TM4SF18: variants seen among roughly 807,000 people sequenced by gnomAD.
TM4SF18 encodes transmembrane 4 L6 family member 18.
Under a neutral mutation model 23.8 loss-of-function variants are expected in TM4SF18, and 22 were observed. The ratio of observed to expected loss-of-function variants is 0.92; its 90% CI spans 0.66 to 1.32. TM4SF18 has a LOEUF of 1.32. Ranked by LOEUF, TM4SF18 falls within the 40% of genes most tolerant of loss-of-function variation. The probability of loss-of-function intolerance (pLI) is 0.00; values close to 1 mark genes in which losing one functional copy is unlikely to be tolerated. For synonymous variants in TM4SF18, 87 were observed against 87.9 expected (o/e 0.99, Z 0.06); for missense variants, 255 against 240.3 (o/e 1.06, Z -0.41).
intron 2 of TM4SF18, among the ~76,000 whole-genome samples, chr3:149,332,967 A>T (rs892385735): frequency 2.6e-5 from 4 of 152,164 alleles, no homozygotes; most frequent in African/African-American, 9.7e-5. Context: ...TGTCCCACAG[A>T]CTTTCATTAG....
At chr3:149,323,944 G>A (rs1345925500) in intron 4 of TM4SF18, among the ~76,000 whole-genome samples, 1 of 152,176 alleles carries the variant, frequency 6.6e-6, no homozygotes, top group East Asian at 1.9e-4. Context: ...AAAATCTTCA[G>A]AATGAAGGCA....
intron 2 of TM4SF18, 71 bp downstream of exon 2, chr3:149,333,134 CT>C (rs1370125102): frequency 3.7e-6 from 5 of 1,369,420 alleles, no homozygotes; most frequent in Non-Finnish European, 5.0e-6. Context: ...TTATTCATTA[CT>C]TCTACTAGTT....
chr3:149,330,917 C>T (rs1378825273), intron 2 of TM4SF18, among the ~76,000 whole-genome samples: 1 of 152,154 alleles, frequency 6.6e-6, no homozygotes, highest in East Asian at 1.9e-4. Context: ...ACTTCAATTT[C>T]CCCATGCATT....
At chr3:149,330,956 A>G (rs1016886928) in intron 2 of TM4SF18, among the ~76,000 whole-genome samples, 30 of 152,190 alleles carry the variant, frequency 2.0e-4, no homozygotes, top group African/African-American at 7.0e-4. Flanking sequence ...AATTGTTTCA[A>G]TGTGTTTTGT....
chr3:149,321,435 A>T lies in TM4SF18; in HGVS notation c.*43T>A, dbSNP rs369461771. ...TCTACACAGTTGATATAATATTTAG[A>T]TAGATGGCCATGTCTTGATAATGGA... is the stretch of plus-strand genomic sequence containing the variant. On this transcript the variant is annotated 3_prime_UTR_variant, in exon 6 of 6. Transcript: ENST00000296059. 6.9e-7 allele frequency: 1 copy of T among 1,442,432 alleles called. No homozygotes were observed. Among genetic ancestry groups the T allele is most frequent in the Non-Finnish European group, 9.6e-7 (1 of 1,046,948 alleles). 89.4% of individuals were successfully genotyped at this position (1,442,432 alleles called of 1,614,324 possible). A position where few individuals can be genotyped will look rare whatever the true frequency, so the allele number is the denominator to read the frequency against.
At chr3:149,327,852 C>A (rs749356369) in intron 3 of TM4SF18, among the ~76,000 whole-genome samples, 3 of 152,130 alleles carry the variant, frequency 2.0e-5, no homozygotes, top group Non-Finnish European at 4.4e-5. Context: ...CATGCACACG[C>A]ACACACTACA....
chr3:149,322,223 G>A (rs777447382), intron 5 of TM4SF18, 33 bp downstream of exon 5: 1 of 1,556,628 alleles, frequency 6.4e-7, no homozygotes, highest in Non-Finnish European at 8.7e-7. Flanking sequence ...GGGAAATATG[G>A]ATGAGCTACA....
At chr3:149,327,770 A>C (rs1267060560) in intron 3 of TM4SF18, among the ~76,000 whole-genome samples, 2 of 152,196 alleles carry the variant, frequency 1.3e-5, no homozygotes, top group Non-Finnish European at 2.9e-5. Flanking sequence ...GAAAACTGGA[A>C]AAAATATTCA....
rs1730905151 is a variant in TM4SF18 at position 149,324,974 on chromosome 3, A to C, written c.316T>G (p.Tyr106Asp). ...FSSLGIAFSG[Y>D]CLVISALGLV... Reference sequence around the variant, plus strand: ...CCCAAGGCAGAGATGACCAGGCAGTATCCAGAAAAAGCAATTCCGAGGGAA... The same window carrying C: ...CCCAAGGCAGAGATGACCAGGCAGTCTCCAGAAAAAGCAATTCCGAGGGAA... Residue 106 changes from tyrosine to aspartate, a missense_variant, in exon 4 of 6, where the codon TAC becomes GAC. Coordinates refer to ENST00000296059, the MANE Select transcript of TM4SF18 (RefSeq NM_138786.4). 6.2e-7 allele frequency: 1 copy of C among 1,614,110 alleles called. No homozygotes were observed. Among genetic ancestry groups the C allele is most frequent in the Non-Finnish European group, 8.5e-7 (1 of 1,180,034 alleles).
rs527864679 is a variant in TM4SF18 at position 149,319,979 on chromosome 3, TGCGGTGTATAACATG to T, written c.*1484_*1498del. Reference sequence around the variant, plus strand: ...AGCTGGGCCCAGAGCATGAAGGTCATGCGGTGTATAACATGGCTTGCTTTCAAGATGCTTGTTTCA... The same window carrying T: ...AGCTGGGCCCAGAGCATGAAGGTCATGCTTGCTTTCAAGATGCTTGTTTCA... On this transcript the variant is annotated 3_prime_UTR_variant, in exon 6 of 6. Coordinates refer to ENST00000296059, the MANE Select transcript of TM4SF18 (RefSeq NM_138786.4). The T allele has an allele frequency of 5.2e-5, 8 of 152,430 alleles. No homozygotes were observed. The East Asian group carries it at 1.3e-3, about 26-fold the overall frequency. The allele number at this position is 152,430 out of a possible 1,614,324, so 9.4% of individuals were successfully genotyped here.
intron 4 of TM4SF18, among the ~76,000 whole-genome samples, chr3:149,323,733 G>C (rs910557737): frequency 6.6e-6 from 1 of 152,158 alleles, no homozygotes; most frequent in Non-Finnish European, 1.5e-5. Context: ...TATGAAATCA[G>C]TGCACATTGA....
intron 1 of TM4SF18, 31 bp downstream of exon 1, chr3:149,333,482 C>CTCTCTT (rs4048749): frequency 3.8e-5 from 9 of 237,632 alleles, no homozygotes; most frequent in Admixed American, 1.1e-4. Flanking sequence ...CTCTCTCTCT[C>CTCTCTT]TTTTTTTTTT....
At chr3:149,322,557 A>C (rs1730833490) in intron 4 of TM4SF18, 121 bp from the exon 5 acceptor site, 2 of 827,800 alleles carry the variant, frequency 2.4e-6, no homozygotes, top group Non-Finnish European at 3.7e-6. Context: ...GAATTAATAC[A>C]TTTTAAAAAC....
intron 3 of TM4SF18, 127 bp downstream of exon 3, chr3:149,330,203 C>T: frequency 2.2e-6 from 1 of 444,930 alleles, no homozygotes; most frequent in Non-Finnish European, 4.0e-6. Flanking sequence ...TGGCAGTAAA[C>T]TCTTGATCTC....
At chr3:149,324,338 C>T (rs757451847) in intron 4 of TM4SF18, among the ~76,000 whole-genome samples, 2 of 152,214 alleles carry the variant, frequency 1.3e-5, no homozygotes, top group African/African-American at 4.8e-5. Context: ...ATTCCACAAA[C>T]TCCTGCACCT....
At chr3:149,333,484 T>TTTTTTA in intron 1 of TM4SF18, 29 bp downstream of exon 1, 1 of 126,700 alleles carries the variant, frequency 7.9e-6, no homozygotes. Flanking sequence ...CTCTCTCTCT[T>TTTTTTA]TTTTTTTTTT....
At chr3:149,333,458 G>A in intron 1 of TM4SF18, 55 bp downstream of exon 1, 1 of 733,460 alleles carries the variant, frequency 1.4e-6, no homozygotes, top group Non-Finnish European at 1.9e-6. Context: ...CTTCCTACCT[G>A]ACCTTTTTTT....
chr3:149,333,470 C>CTT, intron 1 of TM4SF18, 43 bp downstream of exon 1: 1 of 490,134 alleles, frequency 2.0e-6, no homozygotes, highest in Non-Finnish European at 2.8e-6. Context: ...CCTTTTTTTT[C>CTT]TCTCTCTCTC....
At chr3:149,325,759 G>A (rs1265963847) in intron 3 of TM4SF18, among the ~76,000 whole-genome samples, 1 of 152,204 alleles carries the variant, frequency 6.6e-6, no homozygotes, top group Non-Finnish European at 1.5e-5. Flanking sequence ...CCAGGCCAGA[G>A]CTGGCCTTGA....
Sources: gnomAD v4.1 joint callset for allele counts (sites outside exome capture counted in the v4.1 genomes callset) on GRCh38, gnomAD v4.1.1 for gene constraint, MANE v1.5 for transcripts, NCBI Gene and HGNC (gene_info 2026-07-23, HGNC 2026-07-21) for gene names.